The following PRKG1 variants were observed in gnomAD, a reference collection of about 807,000 sequenced individuals.
The protein encoded by PRKG1 is cGMP-dependent protein kinase 1.
In PRKG1, 35 loss-of-function variants were observed where a neutral mutation model predicts 88.1. The observed-to-expected ratio is 0.40, with a 90% CI of 0.30 to 0.53. The LOEUF (loss-of-function observed/expected upper bound fraction) is 0.53, where lower values mean the gene tolerates loss of function less well. PRKG1 is among the 20% of genes least tolerant of loss of function. The probability of loss-of-function intolerance (pLI) is 0.59; values close to 1 mark genes in which losing one functional copy is unlikely to be tolerated. For missense variants in PRKG1, 540 were observed against 839.8 expected (o/e 0.64, Z 4.41); for synonymous variants, 303 against 292.5 (o/e 1.04, Z -0.37).
chr10:51,983,151 G>A (rs952022617), intron 5 of PRKG1, among the ~76,000 whole-genome samples: 3 of 152,156 alleles, frequency 2.0e-5, no homozygotes, highest in Non-Finnish European at 2.9e-5. Context: ...TGGCAAGGGT[G>A]GGGCACTGGC....
intron 3 of PRKG1, among the ~76,000 whole-genome samples, chr10:51,498,553 G>A (rs1021223281): frequency 1.3e-5 from 2 of 152,158 alleles, no homozygotes; most frequent in Non-Finnish European, 2.9e-5. Flanking sequence ...ATTCCACAAT[G>A]TATAGATACT....
intron 5 of PRKG1, among the ~76,000 whole-genome samples, chr10:52,010,844 G>A (rs1048522770): frequency 9.2e-5 from 14 of 152,168 alleles, no homozygotes; most frequent in Admixed American, 2.0e-4. Flanking sequence ...TAAGAGCACA[G>A]CAATAATGAG....
intron 7 of PRKG1, among the ~76,000 whole-genome samples, chr10:52,071,347 T>A (rs1846492111): frequency 6.6e-6 from 1 of 152,122 alleles, no homozygotes; most frequent in Non-Finnish European, 1.5e-5. Flanking sequence ...ATGATGGTGT[T>A]CACATGAACT....
intron 3 of PRKG1, among the ~76,000 whole-genome samples, chr10:51,531,864 T>C (rs960568983): frequency 3.3e-5 from 5 of 151,914 alleles, no homozygotes; most frequent in African/African-American, 1.2e-4. Flanking sequence ...AGGCTGGTCT[T>C]GAACCCCTGA....
chr10:51,498,559 A>G (rs747629682), intron 3 of PRKG1, among the ~76,000 whole-genome samples: 2 of 152,210 alleles, frequency 1.3e-5, no homozygotes, highest in Non-Finnish European at 2.9e-5. Context: ...CAATGTATAG[A>G]TACTTGGAAA....
chr10:51,627,888 T>TCCTTCCCTTCCTTCCCTTCCTTC (rs1839379997), intron 3 of PRKG1, among the ~76,000 whole-genome samples: 2 of 128,778 alleles, frequency 1.6e-5, no homozygotes, highest in Non-Finnish European at 3.4e-5. Flanking sequence ...TCCCTTCCCT[T>TCCTTCCCTTCCTTCCCTTCCTTC]CCTTCCCTTC....
intron 7 of PRKG1, among the ~76,000 whole-genome samples, chr10:52,126,505 A>G (rs533082883): frequency 4.6e-5 from 7 of 152,174 alleles, no homozygotes; most frequent in African/African-American, 1.7e-4. Flanking sequence ...ATGCAAAAAT[A>G]CTTCTTTTTC....
chr10:51,332,462 G>T (rs932746741), intron 2 of PRKG1, among the ~76,000 whole-genome samples: 3 of 152,124 alleles, frequency 2.0e-5, no homozygotes, highest in African/African-American at 7.2e-5. Context: ...TAACTTTTTA[G>T]TAAAATTTAG....
rs562214811 is a variant in PRKG1 at position 51,135,584 on chromosome 10, GTT to G, written c.312-17578_312-17577del. On this transcript the variant is annotated intron_variant, in intron 1 of 17. Coordinates refer to ENST00000373980, the MANE Select transcript of PRKG1 (RefSeq NM_006258.4). ...ATTTGCAAAGAGTAGTTTAGAGAAG[GTT>G]TGTGTACCTTTCACCCAGTTTTCCT... 3.3e-5 allele frequency among the ~76,000 whole-genome samples: 5 copies of G among 152,210 alleles called. No homozygotes were observed. In the South Asian group the frequency reaches 1.0e-3, roughly 32 times the overall value.
At chr10:51,994,299 C>T (rs1844382381) in intron 5 of PRKG1, among the ~76,000 whole-genome samples, 1 of 152,132 alleles carries the variant, frequency 6.6e-6, no homozygotes, top group South Asian at 2.1e-4. Context: ...CTTCAGATAA[C>T]ACCTCAGATA....
At chr10:51,228,638 G>T (rs1838756626) in intron 2 of PRKG1, among the ~76,000 whole-genome samples, 1 of 152,170 alleles carries the variant, frequency 6.6e-6, no homozygotes, top group South Asian at 2.1e-4. Context: ...AGCATCAGGT[G>T]TGGTTTTTAG....
chr10:51,264,945 G>A (rs1839801348), intron 2 of PRKG1, among the ~76,000 whole-genome samples: 1 of 152,052 alleles, frequency 6.6e-6, no homozygotes, highest in African/African-American at 2.4e-5. Context: ...TCTTCAAAAA[G>A]AGTAAAATGA....
At chr10:52,168,398 A>G (rs1257696732) in intron 9 of PRKG1, among the ~76,000 whole-genome samples, 1 of 152,198 alleles carries the variant, frequency 6.6e-6, no homozygotes, top group Non-Finnish European at 1.5e-5. Context: ...TCAAAGTGGG[A>G]AGCAACATTA....
At chr10:51,431,981 G>A (rs908763110) in intron 2 of PRKG1, among the ~76,000 whole-genome samples, 2 of 151,982 alleles carry the variant, frequency 1.3e-5, no homozygotes, top group African/African-American at 2.4e-5. Context: ...CTACTAGTAC[G>A]TACATTGACA....
intron 3 of PRKG1, among the ~76,000 whole-genome samples, chr10:51,768,698 G>T (rs941249710): frequency 2.6e-5 from 4 of 152,052 alleles, no homozygotes; most frequent in African/African-American, 9.7e-5. Flanking sequence ...GTATTTAAAA[G>T]ATGAAAAAGG....
At chr10:51,808,614 A>G (rs1341916688) in intron 4 of PRKG1, among the ~76,000 whole-genome samples, 1 of 152,096 alleles carries the variant, frequency 6.6e-6, no homozygotes, top group East Asian at 1.9e-4. Flanking sequence ...AAAAACAAAA[A>G]CAGAAACACC....
intron 7 of PRKG1, among the ~76,000 whole-genome samples, chr10:52,091,932 G>T (rs975512897): frequency 6.6e-6 from 1 of 152,164 alleles, no homozygotes; most frequent in African/African-American, 2.4e-5. Flanking sequence ...TTATTGTTCT[G>T]TATAAGGAAA....
chr10:52,091,967 T>C (rs906101016), intron 7 of PRKG1, among the ~76,000 whole-genome samples: 13 of 152,306 alleles, frequency 8.5e-5, no homozygotes, highest in African/African-American at 3.1e-4. Flanking sequence ...AGGGCTGACT[T>C]GATGTCACGG....
At position 51,763,271 on chromosome 10, in the gene PRKG1, G is replaced by A. The variant is rs190119089; in HGVS notation, c.593-41314G>A. On this transcript the variant is annotated intron_variant, in intron 3 of 17. Coordinates refer to ENST00000373980, the MANE Select transcript of PRKG1 (RefSeq NM_006258.4). ...TTTAGAGACAGGATTCTACTTTGTC[G>A]GCAAGGCTAGAGCGTGGTGGCACAA... Among the ~76,000 whole-genome samples, 252 of 151,246 alleles carry A rather than the reference G, an allele frequency of 1.7e-3. 2 individuals carry two copies. The highest frequency in any genetic ancestry group is 5.5e-3 in the African/African-American group (227 of 41,178).
Sources: gnomAD v4.1 joint callset for allele counts (sites outside exome capture counted in the v4.1 genomes callset) on GRCh38, gnomAD v4.1.1 for gene constraint, MANE v1.5 for transcripts, NCBI Gene and HGNC (gene_info 2026-07-23, HGNC 2026-07-21) for gene names.